SPINK8: variants seen among roughly 807,000 people sequenced by gnomAD.
SPINK8 encodes the protein serine peptidase inhibitor Kazal type 8 (putative).
In SPINK8, 12 loss-of-function variants were observed where a neutral mutation model predicts 14.4. The ratio of observed to expected loss-of-function variants is 0.83; its 90% CI spans 0.53 to 1.35. The LOEUF is 1.35. Ranked by LOEUF, SPINK8 falls within the 40% of genes most tolerant of loss-of-function variation. SPINK8 has a pLI of 0.00. For synonymous variants in SPINK8, 32 were observed against 37.6 expected (o/e 0.85, Z 0.55); for missense variants, 103 against 117.0 (o/e 0.88, Z 0.55).
At position 48,321,090 on chromosome 3, in the gene SPINK8, A is replaced by C; in HGVS notation, c.68-16T>G. The C allele has an allele frequency of 6.4e-7, 1 of 1,568,864 alleles. No individual in the cohort carries two copies. The highest frequency in any genetic ancestry group is 1.2e-5 in the South Asian group (1 of 85,032). ...AGGGGGAAGTCTGGAAGACAAAAGC[A>C]CATACAGAAAAGTTGCTTCTCTGTC... is the stretch of plus-strand genomic sequence containing the variant. On this transcript the variant is annotated splice_polypyrimidine_tract_variant and intron_variant, in intron 4 of 7. Coordinates refer to ENST00000434006, the MANE Select transcript of SPINK8 (RefSeq NM_001080525.3).
At chr3:48,325,185 G>C (rs1285202928) in intron 4 of SPINK8, among the ~76,000 whole-genome samples, 7 of 151,914 alleles carry the variant, frequency 4.6e-5, no homozygotes, top group Admixed American at 4.6e-4. Context: ...TTGAATCTAA[G>C]GAGTATCTCC....
chr3:48,321,824 A>C (rs1055263241), intron 4 of SPINK8, among the ~76,000 whole-genome samples: 2 of 151,866 alleles, frequency 1.3e-5, no homozygotes, highest in African/African-American at 4.8e-5. Context: ...AAAAAAAAAA[A>C]AGTTTTCAGA....
At chr3:48,310,043 T>C (rs2035904979) in intron 6 of SPINK8, 97 bp from the exon 7 acceptor site, 1 of 1,233,060 alleles carries the variant, frequency 8.1e-7, no homozygotes, top group South Asian at 2.6e-5. Flanking sequence ...GTTTGGGAAA[T>C]AAACATTCTG....
intron 4 of SPINK8, among the ~76,000 whole-genome samples, chr3:48,323,208 G>A (rs936225071): frequency 6.6e-6 from 1 of 152,040 alleles, no homozygotes; most frequent in Non-Finnish European, 1.5e-5. Flanking sequence ...GCAGTGGCGT[G>A]ATCTCTGCTT....
intron 5 of SPINK8, among the ~76,000 whole-genome samples, chr3:48,320,634 C>T (rs571829848): frequency 5.2e-4 from 79 of 151,888 alleles, no homozygotes; most frequent in Non-Finnish European, 5.9e-4. Context: ...GTTGAAGGCA[C>T]CAAAGGAAGG....
chr3:48,324,097 T>C (rs6765950), intron 4 of SPINK8, among the ~76,000 whole-genome samples: 1,716 of 152,252 alleles, frequency 0.011, 33 homozygotes, highest in African/African-American at 0.039. Context: ...ATCTTAACAA[T>C]GTTAAGTCTT....
intron 6 of SPINK8, among the ~76,000 whole-genome samples, chr3:48,315,681 A>G (rs1237329180): frequency 2.9e-5 from 4 of 138,618 alleles, no homozygotes. Context: ...AGATCATGCC[A>G]CTGCACTCCA....
chr3:48,324,712 T>C (rs2036117307), intron 4 of SPINK8, among the ~76,000 whole-genome samples: 2 of 152,244 alleles, frequency 1.3e-5, no homozygotes, highest in Non-Finnish European at 2.9e-5. Context: ...TGATCTAGGA[T>C]ATGGCCTATC....
At chr3:48,314,293 G>A (rs2035958046) in intron 6 of SPINK8, among the ~76,000 whole-genome samples, 1 of 151,308 alleles carries the variant, frequency 6.6e-6, no homozygotes, top group African/African-American at 2.4e-5. Context: ...CAAGAACACT[G>A]GCAAAAATGG....
chr3:48,317,028 A>G (rs1307700491), intron 6 of SPINK8, among the ~76,000 whole-genome samples: 1 of 152,266 alleles, frequency 6.6e-6, no homozygotes, highest in Admixed American at 6.5e-5. Context: ...TATATAGGAA[A>G]ATAATAGACA....
At chr3:48,322,413 G>A (rs1456588256) in intron 4 of SPINK8, among the ~76,000 whole-genome samples, 2 of 151,410 alleles carry the variant, frequency 1.3e-5, no homozygotes, top group Non-Finnish European at 2.9e-5. Context: ...TCAGCTCACT[G>A]CAACCTCGGC....
chr3:48,330,468 G>A (rs1181943817), intron 2 of SPINK8, among the ~76,000 whole-genome samples: 2 of 152,122 alleles, frequency 1.3e-5, no homozygotes, highest in Non-Finnish European at 1.5e-5. Context: ...GCAGTAAGCC[G>A]AGATCGCGCC....
intron 1 of SPINK8, among the ~76,000 whole-genome samples, chr3:48,333,171 C>T (rs1441589352): frequency 2.6e-5 from 4 of 152,164 alleles, no homozygotes; most frequent in Non-Finnish European, 5.9e-5. Flanking sequence ...CACTTCGCTC[C>T]ATTTGCCCTA....
At position 48,321,079 on chromosome 3, in the gene SPINK8, A is replaced by C. The variant is rs1311330367; in HGVS notation, c.68-5T>G. The C allele has an allele frequency of 6.3e-7, 1 of 1,575,892 alleles. No individual in the cohort carries two copies. The highest frequency in any genetic ancestry group is 8.6e-7 in the Non-Finnish European group (1 of 1,159,272). Reference sequence around the variant, plus strand: ...AGGCCATAGGAAGGGGGAAGTCTGGAAGACAAAAGCACATACAGAAAAGTT... The same window carrying C: ...AGGCCATAGGAAGGGGGAAGTCTGGCAGACAAAAGCACATACAGAAAAGTT... On this transcript the variant is annotated splice_polypyrimidine_tract_variant and splice_region_variant and intron_variant, in intron 4 of 7. Transcript: ENST00000434006.
intron 6 of SPINK8, among the ~76,000 whole-genome samples, chr3:48,313,754 C>G (rs902092792): frequency 1.3e-5 from 2 of 152,114 alleles, no homozygotes; most frequent in African/African-American, 4.8e-5. Context: ...GTGGTATATA[C>G]ACATAATGGA....
At chr3:48,328,784 C>T (rs1478033175) in intron 3 of SPINK8, among the ~76,000 whole-genome samples, 10 of 152,142 alleles carry the variant, frequency 6.6e-5, no homozygotes, top group Admixed American at 6.5e-4. Flanking sequence ...AGAGCAGTCA[C>T]TCAACAACAT....
intron 5 of SPINK8, among the ~76,000 whole-genome samples, chr3:48,320,527 A>T (rs1055045455): frequency 6.6e-6 from 1 of 151,642 alleles, no homozygotes; most frequent in Non-Finnish European, 1.5e-5. Flanking sequence ...CAGCCTGGGC[A>T]ACAGAGCAAG....
At chr3:48,309,220 T>C (rs1175029686) in intron 7 of SPINK8, among the ~76,000 whole-genome samples, 2 of 152,244 alleles carry the variant, frequency 1.3e-5, no homozygotes, top group African/African-American at 4.8e-5. Flanking sequence ...CTCTTCTACA[T>C]TGATTTCTCC....
chr3:48,323,891 T>A (rs2036106750), intron 4 of SPINK8, among the ~76,000 whole-genome samples: 1 of 152,172 alleles, frequency 6.6e-6, no homozygotes, highest in Non-Finnish European at 1.5e-5. Context: ...GTCTGTAACT[T>A]TGTAGTAAGC....
Sources: allele counts gnomAD v4.1 joint callset (sites outside exome capture counted in the v4.1 genomes callset), GRCh38; gene constraint gnomAD v4.1.1; transcripts MANE v1.5; gene names NCBI Gene and HGNC (gene_info 2026-07-23, HGNC 2026-07-21).